Variants in KCTD10 observed in about 807,000 individuals in gnomAD.
KCTD10 encodes the protein potassium channel tetramerization domain containing 10.
KCTD10 carries 13 observed loss-of-function variants against 34.6 expected under a neutral mutation model. The observed-to-expected ratio is 0.38, with a 90% CI of 0.24 to 0.60. KCTD10 has a LOEUF of 0.60. KCTD10 is among the 20% of genes least tolerant of loss of function. The pLI is 0.66. For synonymous variants in KCTD10, 156 were observed against 168.8 expected (o/e 0.92, Z 0.59); for missense variants, 256 against 420.3 (o/e 0.61, Z 3.42).
intron 6 of KCTD10, among the ~76,000 whole-genome samples, chr12:109,453,208 T>C (rs1433307568): frequency 6.6e-6 from 1 of 152,024 alleles, no homozygotes; most frequent in African/African-American, 2.4e-5. Flanking sequence ...ACTATAGGCA[T>C]GCATCACCAT....
At position 109,451,892 on chromosome 12, in the gene KCTD10, C is replaced by T. The variant is rs1212161783; in HGVS notation, c.724-79G>A. On this transcript the variant is annotated intron_variant, in intron 6 of 6. Transcript: ENST00000228495. The surrounding 1 kb of genome is among the most constrained non-coding windows in gnomAD (Gnocchi z 5.0). The stretch of plus-strand genomic sequence containing the variant: ...ACACCTGGACTTTAAGCAGGGCCGC[C>T]AGGCTAAATCAGGCCCCTGGGATTC... 5.5e-6 allele frequency: 6 copies of T among 1,099,992 alleles called. No homozygotes were observed. The highest frequency in any genetic ancestry group is 2.7e-5 in the East Asian group (1 of 36,988). The allele number at this position is 1,099,992 out of a possible 1,614,324, so 68.1% of individuals were successfully genotyped here.
intron 6 of KCTD10, among the ~76,000 whole-genome samples, chr12:109,452,964 T>C (rs1341773897): frequency 5.3e-5 from 8 of 152,132 alleles, no homozygotes; most frequent in African/African-American, 1.9e-4. Context: ...ATCCCAACTG[T>C]TTCTTGATTC....
At chr12:109,456,647 G>A (rs535063090) in intron 5 of KCTD10, 72 of 390,266 alleles carry the variant, frequency 1.8e-4, no homozygotes, top group African/African-American at 1.1e-3. Context: ...GCACCTCACC[G>A]AGCCCCAAGA....
chr12:109,475,522 C>A (rs1461904905), intron 1 of KCTD10, among the ~76,000 whole-genome samples: 3 of 149,102 alleles, frequency 2.0e-5, no homozygotes, highest in Non-Finnish European at 2.9e-5. Context: ...CTTGCCTGGG[C>A]TACACCCCAG....
intron 2 of KCTD10, among the ~76,000 whole-genome samples, chr12:109,463,543 G>A (rs1432576060): frequency 1.3e-5 from 2 of 152,296 alleles, no homozygotes; most frequent in South Asian, 2.1e-4. Flanking sequence ...CACGGGGCAC[G>A]AGAGCTATTT....
In KCTD10 at chr12:109,451,601, G is replaced by A; in HGVS notation, c.936C>T (p.His312=). Residue 312 remains histidine, a synonymous_variant, in exon 7 of 7, where the codon CAC becomes CAT. Coordinates refer to ENST00000228495, the MANE Select transcript of KCTD10 (RefSeq NM_031954.5). This position sits in a 1 kb window ranked among gnomAD's most constrained non-coding sequence, Gnocchi z 5.0. ...IKRPDDRAHL[H]Q ...GGCTCGGTCTCTTGCCTGCTCACTG[G>A]TGGAGGTGGGCCCGGTCATCAGGGC... The A allele has an allele frequency of 1.2e-6, 2 of 1,606,314 alleles. No individual in the cohort carries two copies. Among genetic ancestry groups the A allele is most frequent in the East Asian group, 2.2e-5 (1 of 44,732 alleles).
rs72647795 is a variant in KCTD10 at position 109,462,094 on chromosome 12, G to C, written c.218-1289C>G. Among the ~76,000 whole-genome samples, 506 of 152,298 alleles carry C rather than the reference G, an allele frequency of 3.3e-3. 2 individuals are homozygous for C. Among genetic ancestry groups the C allele is most frequent in the Admixed American group, 7.1e-3 (109 of 15,306 alleles). ...CCAGCAAAAGTTGAGAGCAGCAAAC[G>C]CATCTTTTTCACAATCCAGAGTCTT... On this transcript the variant is annotated intron_variant, in intron 2 of 6. Transcript: ENST00000228495.
chr12:109,473,858 C>T (rs945880478), intron 1 of KCTD10, among the ~76,000 whole-genome samples: 1 of 151,720 alleles, frequency 6.6e-6, no homozygotes, highest in South Asian at 2.1e-4. Flanking sequence ...CTCAGCTCAC[C>T]GCAACGTCTG....
chr12:109,471,296 G>A, intron 1 of KCTD10: 1 of 985,408 alleles, frequency 1.0e-6, no homozygotes, highest in Non-Finnish European at 1.2e-6. Flanking sequence ...TTCAATTCAA[G>A]GTTATCCAAC....
chr12:109,470,383 A>T, intron 1 of KCTD10: 1 of 985,590 alleles, frequency 1.0e-6, no homozygotes, highest in African/African-American at 1.7e-5. Context: ...CTCCTAGACT[A>T]GTGCTGCCCA....
intron 1 of KCTD10, chr12:109,470,130 C>A: frequency 9.8e-7 from 1 of 1,018,046 alleles, no homozygotes; most frequent in Non-Finnish European, 1.2e-6. Flanking sequence ...ACATGAACAC[C>A]CTGGCTGCAC....
chr12:109,475,134 G>A (rs1323226269), intron 1 of KCTD10, among the ~76,000 whole-genome samples: 1 of 152,114 alleles, frequency 6.6e-6, no homozygotes, highest in Non-Finnish European at 1.5e-5. Flanking sequence ...ATTGGGATCA[G>A]TGGTTCCCAA....
chr12:109,456,686 C>G (rs1169774132), intron 5 of KCTD10: 6 of 305,256 alleles, frequency 2.0e-5, no homozygotes, highest in Non-Finnish European at 3.8e-5. Context: ...CCAAGGGAGA[C>G]TCTATATCCT....
At chr12:109,461,799 G>A (rs1363670659) in intron 2 of KCTD10, among the ~76,000 whole-genome samples, 1 of 152,250 alleles carries the variant, frequency 6.6e-6, no homozygotes. Context: ...GAGGCCTTCT[G>A]ACAAGCAGGG....
chr12:109,471,460 C>T (rs770748741), intron 1 of KCTD10: 3 of 974,194 alleles, frequency 3.1e-6, no homozygotes, highest in African/African-American at 3.5e-5. Context: ...CAAGAAAAGT[C>T]ACAAGAAAAT....
rs185743759 is a variant in KCTD10, at chr12:109,457,889, C to T, written c.474+103G>A. On this transcript the variant is annotated intron_variant, in intron 4 of 6. Transcript: ENST00000228495. ...TCCCACTGTGAACCCATTATCAGGC[C>T]TCACTCAGGCAATTATACATGTTTT... 2.8e-5 allele frequency: 31 copies of T among 1,103,648 alleles called. No individual in the cohort carries two copies. The East Asian group carries it at 5.2e-4, about 18-fold the overall frequency. 68.4% of individuals were successfully genotyped at this position (1,103,648 alleles called of 1,614,324 possible). A position where few individuals can be genotyped will look rare whatever the true frequency, so the allele number is the denominator to read the frequency against.
chr12:109,469,941 G>A (rs1046267441), intron 1 of KCTD10: 7 of 1,260,160 alleles, frequency 5.6e-6, no homozygotes, highest in Non-Finnish European at 7.4e-6. Context: ...GCTAGCAGGG[G>A]AACAACTGGT....
At chr12:109,471,972 C>T (rs1357400852) in intron 1 of KCTD10, among the ~76,000 whole-genome samples, 1 of 152,114 alleles carries the variant, frequency 6.6e-6, no homozygotes, top group Non-Finnish European at 1.5e-5. Context: ...AGGACACTTA[C>T]CATGAATGGA....
chr12:109,475,722 G>A (rs1874163654), intron 1 of KCTD10, among the ~76,000 whole-genome samples: 1 of 152,186 alleles, frequency 6.6e-6, no homozygotes, highest in African/African-American at 2.4e-5. Context: ...CTACAGCAAA[G>A]AAGTTTAAGA....
Sources: allele counts gnomAD v4.1 joint callset (sites outside exome capture counted in the v4.1 genomes callset), GRCh38; gene constraint gnomAD v4.1.1; non-coding constraint Gnocchi (gnomAD v3.1); transcripts MANE v1.5; gene names NCBI Gene and HGNC (gene_info 2026-07-23, HGNC 2026-07-21).